FLNA: variants seen among roughly 807,000 people sequenced by gnomAD.
The protein encoded by FLNA is filamin A.
In FLNA, 7 loss-of-function variants were observed where a neutral mutation model predicts 157.6. The observed-to-expected ratio is 0.04, with a 90% CI of 0.03 to 0.08. FLNA has a LOEUF of 0.08. Ranked by LOEUF, FLNA falls within the 10% of genes least tolerant of loss-of-function variation. The pLI is 1.00. For missense variants in FLNA, 1,750 were observed against 2,398.4 expected, an observed-to-expected ratio of 0.73 and a Z score of 5.65; for synonymous variants, 1,103 against 1,060.8, an observed-to-expected ratio of 1.04 and a Z score of -0.77.
rs1269848004 is a variant in FLNA, at chrX:154,358,670, G to A, written c.4475-102C>T. 2.9e-5 allele frequency: 29 copies of A among 1,010,324 alleles called. No individual in the cohort carries two copies. In the East Asian group the frequency reaches 4.0e-4, roughly 14 times the overall value. 83.3% of individuals were successfully genotyped at this position (1,010,324 alleles called of 1,213,427 possible). On this transcript the variant is annotated intron_variant, in intron 26 of 47. Transcript: ENST00000369850. The stretch of plus-strand genomic sequence containing the variant: ...GGACCCAGCCCCAGGCCTAGACCTC[G>A]CTTTATCCTCATCCACCCGACCCTG...
In FLNA at chrX:154,353,598, T is replaced by A; in HGVS notation, c.5816A>T (p.Asn1939Ile). The A allele has an allele frequency of 8.3e-7, 1 of 1,211,870 alleles. No homozygotes were observed. Among genetic ancestry groups the A allele is most frequent in the Non-Finnish European group, 1.1e-6 (1 of 895,529 alleles). ...PGDYSILVKY[N>I]EQHVPGSPFT... ...GGGGCTGCCTGGGACGTGCTGTTCA[T>A]TGTACTTGACTAGAATGCTGTAGTC... Residue 1939 changes from asparagine to isoleucine, a missense_variant, in exon 36 of 48, where the codon AAT (asparagine) becomes ATT (isoleucine). Asn to Ile is a moderately radical substitution (Grantham distance 149). Coordinates refer to ENST00000369850, the MANE Select transcript of FLNA (RefSeq NM_001110556.2).
chrX:154,355,784 C>T (rs1168319608), intron 30 of FLNA, among the ~76,000 whole-genome samples: 1 of 112,868 alleles, frequency 8.9e-6, no homozygotes, highest in Admixed American at 9.3e-5. Flanking sequence ...TGAGCAGGCT[C>T]CAGGGCCCCA....
chrX:154,353,136 C>T lies in FLNA; in HGVS notation c.6091G>A (p.Ala2031Thr). ...ATCACCACCGGGATGGGGCTGCTGG[C>T]CACGTGCTGGCCATTTTTCTTCACA... The part of the protein sequence containing the change: ...VHVKKNGQHV[A>T]SSPIPVVISQ... The change falls in exon 38 of 48, where the codon GCC becomes ACC. Residue 2031 changes from alanine to threonine, a missense_variant. By Grantham distance (58) the Ala-to-Thr change is moderately conservative (BLOSUM62 0). Transcript: ENST00000369850. 8.3e-7 allele frequency: 1 copy of T among 1,211,161 alleles called. No individual in the cohort carries two copies. The highest frequency in any genetic ancestry group is 1.1e-6 in the Non-Finnish European group (1 of 895,339).
chrX:154,349,496 G>A lies in FLNA; in HGVS notation c.7622C>T (p.Ala2541Val), dbSNP rs782651197. ...GGCCCCATGCTGGGGGGCACAGGTGGCCTTGGTCAGAGAGTCTACAAACAC... is the reference window on the plus strand; with the variant it reads ...GGCCCCATGCTGGGGGGCACAGGTGACCTTGGTCAGAGAGTCTACAAACAC... ...SSVFVDSLTK[A>V]TCAPQHGAPG... Residue 2541 changes from alanine to valine, a missense_variant, in exon 47 of 48, where the codon GCC (alanine) becomes GTC (valine). Coordinates refer to ENST00000369850, the MANE Select transcript of FLNA (RefSeq NM_001110556.2). The A allele has an allele frequency of 1.2e-5, 14 of 1,211,480 alleles. 1 individual carries two copies. Among genetic ancestry groups the A allele is most frequent in the Non-Finnish European group, 1.6e-5 (14 of 895,377 alleles).
chrX:154,369,125 G>A (rs1048695882), intron 2 of FLNA, among the ~76,000 whole-genome samples: 8 of 112,734 alleles, frequency 7.1e-5, no homozygotes, highest in African/African-American at 2.3e-4. Flanking sequence ...AGGAGGGGCT[G>A]GGCTGTCCAT....
At chrX:154,366,540 TC>T (rs781983905) in intron 7 of FLNA, 21 bp downstream of exon 7, 3 of 1,206,456 alleles carry the variant, frequency 2.5e-6, no homozygotes, top group East Asian at 5.9e-5. Flanking sequence ...GTCACAAGCC[TC>T]CCCCCTGGCC....
At chrX:154,363,776 G>A (rs1312887684) in intron 15 of FLNA, among the ~76,000 whole-genome samples, 1 of 111,976 alleles carries the variant, frequency 8.9e-6, no homozygotes, top group Non-Finnish European at 1.9e-5. Flanking sequence ...TGCCAAACAT[G>A]AACGAAAACA....
At chrX:154,372,599 G>A (rs1557180590) in intron 1 of FLNA, among the ~76,000 whole-genome samples, 1 of 110,854 alleles carries the variant, frequency 9.0e-6, no homozygotes, top group Non-Finnish European at 1.9e-5. Flanking sequence ...ACCAGGGGAC[G>A]GCTGGGGACG....
At chrX:154,358,666 C>T (rs1337490669) in intron 26 of FLNA, 98 bp from the exon 27 acceptor site, 2 of 1,048,944 alleles carry the variant, frequency 1.9e-6, no homozygotes, top group Admixed American at 2.2e-5. Flanking sequence ...CAGGCCTAGA[C>T]CTCGCTTTAT....
intron 21 of FLNA, among the ~76,000 whole-genome samples, chrX:154,361,004 G>A (rs1189246229): frequency 5.0e-5 from 4 of 79,937 alleles, no homozygotes; most frequent in Non-Finnish European, 8.9e-5. Flanking sequence ...CCAATATCGC[G>A]CCACTGCACT....
At chrX:154,368,117 G>A (rs1557179705) in intron 2 of FLNA, 27 bp from the exon 3 acceptor site, 3 of 1,208,407 alleles carry the variant, frequency 2.5e-6, no homozygotes, top group Non-Finnish European at 3.4e-6. Context: ...GGCCACGCTG[G>A]GCACACGGCT....
intron 5 of FLNA, among the ~76,000 whole-genome samples, chrX:154,367,100 A>G (rs1361756244): frequency 8.9e-6 from 1 of 112,035 alleles, no homozygotes; most frequent in Non-Finnish European, 1.9e-5. Flanking sequence ...GTGAGCCTTG[A>G]CTGGGTTTTA....
Position 154,351,643 on chromosome X carries a change from A to T in FLNA, c.6961T>A (p.Phe2321Ile). Reference sequence around the variant, plus strand: ...GACGGAGAAGCCACAGGCACCACGAAGGGGCTGTCGGGAATGTGTTCCTCG... The same window carrying T: ...GACGGAGAAGCCACAGGCACCACGATGGGGCTGTCGGGAATGTGTTCCTCG... Reference protein sequence around the residue: ...FNEEHIPDSPFVVPVASPSGD... With the variant: ...FNEEHIPDSPIVVPVASPSGD... The change falls in exon 43 of 48, where the codon TTC (phenylalanine) becomes ATC (isoleucine). Residue 2321 changes from phenylalanine to isoleucine, a missense_variant. By Grantham distance (21) the Phe-to-Ile change is conservative. Around this residue, in one of 5 missense-constraint regions of FLNA, gnomAD observed 970 missense variants for 1,302.6 expected, o/e 0.74. Transcript: ENST00000369850. 8.3e-7 allele frequency: 1 copy of T among 1,209,908 alleles called. No individual in the cohort carries two copies. The highest frequency in any genetic ancestry group is 1.8e-5 in the South Asian group (1 of 56,964).
At chrX:154,357,880 G>A (rs1224249533) in intron 28 of FLNA, among the ~76,000 whole-genome samples, 2 of 112,690 alleles carry the variant, frequency 1.8e-5, no homozygotes, top group Non-Finnish European at 3.8e-5. Context: ...GGCCTGGCCA[G>A]CACTAGGAGG....
chrX:154,352,898 C>T lies in FLNA; in HGVS notation c.6253G>A (p.Glu2085Lys). 1 of 1,212,006 alleles carries T rather than the reference C, an allele frequency of 8.3e-7. No homozygotes were observed. The highest frequency in any genetic ancestry group is 1.1e-6 in the Non-Finnish European group (1 of 895,562). ...AGYGGLSLSI[E>K]GPSKVDINTE... ...TTGATGTCCACCTTGCTGGGGCCCT[C>T]AATGGACAGGCTGAGCCCACCATAG... The change falls in exon 39 of 48, where the codon GAG becomes AAG. Residue 2085 changes from glutamate (E) to lysine (K), a missense_variant. Physicochemically the swap from Glu to Lys is moderately conservative, Grantham distance 56. Around this residue, in one of 5 missense-constraint regions of FLNA, gnomAD observed 970 missense variants for 1,302.6 expected, o/e 0.74. Coordinates refer to ENST00000369850, the MANE Select transcript of FLNA (RefSeq NM_001110556.2).
Position 154,352,887 on chromosome X carries a change from G to A in FLNA, c.6264C>T (p.Ser2088=). 1 of 1,211,883 alleles carries A rather than the reference G, an allele frequency of 8.3e-7. No homozygotes were observed. Among genetic ancestry groups the A allele is most frequent in the Non-Finnish European group, 1.1e-6 (1 of 895,381 alleles). Residue 2088 remains serine, a synonymous_variant, in exon 39 of 48, where the codon AGC becomes AGT. Transcript: ENST00000369850. ...GGTCCTCTGTGTTGATGTCCACCTT[G>A]CTGGGGCCCTCAATGGACAGGCTGA... The part of the protein sequence containing the change: ...GGLSLSIEGP[S]KVDINTEDLE...
At chrX:154,352,518 C>T in intron 40 of FLNA, 35 bp downstream of exon 40, 2 of 1,211,526 alleles carry the variant, frequency 1.7e-6, no homozygotes, top group Non-Finnish European at 2.2e-6. Flanking sequence ...TGCTTGAGCC[C>T]CAGGACCCCT....
Position 154,360,294 on chromosome X carries a change from G to T in FLNA, c.3501C>A (p.Gly1167=). 1 of 1,211,878 alleles carries T rather than the reference G, an allele frequency of 8.3e-7. No individual in the cohort carries two copies. ...CAGCGGTGGCCCGCTCCAGCCCGGG[G>T]CCTGAGCACTTGACTTTGGATGCGT... The part of the protein sequence containing the change: ...CFDASKVKCS[G]PGLERATAGE... Residue 1167 remains glycine (G), a synonymous_variant, in exon 22 of 48, where the codon GGC becomes GGA. Coordinates refer to ENST00000369850, the MANE Select transcript of FLNA (RefSeq NM_001110556.2).
Position 154,348,852 on chromosome X carries a change from G to A in FLNA, c.7941C>T (p.Pro2647=). ...IPGSPYRVVV[P] ...CCGGCTGGCACGGGCCCCAGACTCA[G>A]GGCACCACAACGCGGTAGGGGCTGC... The change falls in exon 48 of 48, where the codon CCC becomes CCT. Residue 2647 remains proline, a synonymous_variant. Transcript: ENST00000369850. The A allele has an allele frequency of 8.3e-7, 1 of 1,203,475 alleles. No individual in the cohort carries two copies. The highest frequency in any genetic ancestry group is 1.7e-5 in the African/African-American group (1 of 57,752).
Sources: gnomAD v4.1 joint callset for allele counts (sites outside exome capture counted in the v4.1 genomes callset) on GRCh38, gnomAD v4.1.1 for gene constraint, gnomAD v4.1.1 regional missense constraint, MANE v1.5 for transcripts, NCBI Gene and HGNC (gene_info 2026-07-23, HGNC 2026-07-21) for gene names.